The following EPCIP variants were observed in gnomAD, a reference collection of about 807,000 sequenced individuals.
EPCIP encodes exosomal polycystin-1-interacting protein.
the EPCIP span, among the ~76,000 whole-genome samples, chr21:32,811,753 T>C: frequency 6.6e-6 from 1 of 152,224 alleles, no homozygotes; most frequent in African/African-American, 2.4e-5. Flanking sequence ...GCAACAGTGT[T>C]GAGAAGTGGG....
At chr21:32,800,820 AAC>A in the EPCIP span, among the ~76,000 whole-genome samples, 107,573 of 150,628 alleles carry the variant, frequency 0.71, 39,062 homozygotes, top group East Asian at 0.91. Context: ...ACAAAAAAAA[AAC>A]CAAAAAAAAA....
At chr21:32,794,580 C>A in the EPCIP span, 1 of 704,906 alleles carries the variant, frequency 1.4e-6, no homozygotes. Flanking sequence ...GTAAACATTT[C>A]TTTCTTGCAG....
chr21:32,810,246 CTTTTTTTTTTTTT>C, the EPCIP span, among the ~76,000 whole-genome samples: 22 of 65,672 alleles, frequency 3.3e-4, no homozygotes, highest in East Asian at 5.5e-3. Flanking sequence ...GGCATTTGAT[CTTTTTTTTTTTTT>C]TTTTTTTTTT....
the EPCIP span, among the ~76,000 whole-genome samples, chr21:32,792,169 A>T: frequency 6.6e-6 from 1 of 152,138 alleles, no homozygotes; most frequent in Non-Finnish European, 1.5e-5. Flanking sequence ...CTCCCAAGCC[A>T]TGGATTCTTT....
At chr21:32,791,155 A>G in the EPCIP span, 1 of 152,224 alleles carries the variant, frequency 6.6e-6, no homozygotes, top group Non-Finnish European at 1.5e-5. Flanking sequence ...TTCTCTGCCC[A>G]TTCTTCATCC....
the EPCIP span, among the ~76,000 whole-genome samples, chr21:32,812,936 A>C: frequency 6.6e-6 from 1 of 152,284 alleles, no homozygotes; most frequent in African/African-American, 2.4e-5. Context: ...TGAATAAAAG[A>C]CCAATTTTTT....
At chr21:32,801,800 G>A in the EPCIP span, among the ~76,000 whole-genome samples, 10 of 151,908 alleles carry the variant, frequency 6.6e-5, no homozygotes, top group African/African-American at 2.4e-4. Flanking sequence ...CCGAGATTGC[G>A]CCATTGCACT....
At chr21:32,792,315 C>T in the EPCIP span, among the ~76,000 whole-genome samples, 3 of 152,168 alleles carry the variant, frequency 2.0e-5, no homozygotes, top group Non-Finnish European at 2.9e-5. Context: ...TTTGTGTTAA[C>T]CGTGTCATAT....
the EPCIP span, among the ~76,000 whole-genome samples, chr21:32,810,209 T>C: frequency 2.0e-5 from 3 of 150,494 alleles, no homozygotes; most frequent in Admixed American, 1.3e-4. Context: ...GCTCCTTCAA[T>C]GGCCACTCCT....
At chr21:32,803,093 A>G in the EPCIP span, among the ~76,000 whole-genome samples, 2 of 152,104 alleles carry the variant, frequency 1.3e-5, no homozygotes, top group Non-Finnish European at 2.9e-5. Flanking sequence ...ATGGCAAACT[A>G]TGGAGTAGGT....
At chr21:32,800,812 A>C in the EPCIP span, among the ~76,000 whole-genome samples, 5 of 7,532 alleles carry the variant, frequency 6.6e-4, no homozygotes, top group South Asian at 0.02. Flanking sequence ...TCAAAAAAAC[A>C]AAAAAAAAAC....
chr21:32,806,411 A>G, the EPCIP span, among the ~76,000 whole-genome samples: 5 of 152,218 alleles, frequency 3.3e-5, no homozygotes, highest in Non-Finnish European at 7.3e-5. Context: ...GAAGCAGATG[A>G]AAGGACCATT....
At chr21:32,795,573 C>T in the EPCIP span, among the ~76,000 whole-genome samples, 1 of 152,192 alleles carries the variant, frequency 6.6e-6, no homozygotes, top group Admixed American at 6.5e-5. Flanking sequence ...TGGCATGCGA[C>T]CTCTGAGTGG....
the EPCIP span, among the ~76,000 whole-genome samples, chr21:32,796,524 G>A: frequency 6.6e-6 from 1 of 152,212 alleles, no homozygotes; most frequent in Non-Finnish European, 1.5e-5. Flanking sequence ...GGTTTAGAGT[G>A]CTTTGTATCT....
At chr21:32,793,444 A>G in the EPCIP span, 1 of 467,240 alleles carries the variant, frequency 2.1e-6, no homozygotes, top group Non-Finnish European at 3.8e-6. Context: ...TGCTTTCTCC[A>G]TTTCTGACGG....
chr21:32,810,375 C>T, the EPCIP span, among the ~76,000 whole-genome samples: 1 of 150,792 alleles, frequency 6.6e-6, no homozygotes, highest in Non-Finnish European at 1.5e-5. Flanking sequence ...CCTGCCTCAG[C>T]CTCCAGAGTA....
the EPCIP span, among the ~76,000 whole-genome samples, chr21:32,813,013 T>C: frequency 2.0e-5 from 3 of 152,200 alleles, no homozygotes; most frequent in Admixed American, 6.5e-5. Context: ...CTTTGTTTTC[T>C]AATCAGCAAA....
the EPCIP span, among the ~76,000 whole-genome samples, chr21:32,802,347 C>T: frequency 5.3e-4 from 81 of 152,118 alleles, no homozygotes; most frequent in Admixed American, 1.6e-3. Context: ...CAGCTCTACC[C>T]CACTAGCTTG....
chr21:32,809,607 G>C, the EPCIP span, among the ~76,000 whole-genome samples: 3 of 151,976 alleles, frequency 2.0e-5, no homozygotes, highest in African/African-American at 7.3e-5. Flanking sequence ...GGCCTCAAGA[G>C]ATCTTCCCAC....
Sources: allele counts gnomAD v4.1 joint callset (sites outside exome capture counted in the v4.1 genomes callset), GRCh38; gene constraint gnomAD v4.1.1; transcripts MANE v1.5; gene names NCBI Gene and HGNC (gene_info 2026-07-23, HGNC 2026-07-21).